Variants in IL1RAPL1 observed in about 807,000 individuals in gnomAD.
The protein encoded by IL1RAPL1 is interleukin-1 receptor accessory protein-like 1.
In IL1RAPL1, 3 loss-of-function variants were observed where a neutral mutation model predicts 48.4. That is an observed-to-expected ratio of 0.06 (90% CI 0.03 to 0.16). The LOEUF is 0.16. IL1RAPL1 is among the 10% of genes least tolerant of loss of function. The pLI, the probability that IL1RAPL1 is intolerant of heterozygous loss-of-function variation, is 1.00. For synonymous variants in IL1RAPL1, 185 were observed against 187.7 expected (o/e 0.99, Z 0.12); for missense variants, 349 against 530.6 (o/e 0.66, Z 3.36).
chrX:29,385,757 T>C (rs1252242552), intron 3 of IL1RAPL1, among the ~76,000 whole-genome samples: 4 of 112,734 alleles, frequency 3.5e-5, no homozygotes, highest in Non-Finnish European at 7.5e-5. Flanking sequence ...CATTTGTTGA[T>C]GGACATTTGA....
intron 2 of IL1RAPL1, among the ~76,000 whole-genome samples, chrX:29,242,968 C>T (rs756606810): frequency 8.9e-5 from 10 of 112,021 alleles, no homozygotes; most frequent in African/African-American, 2.6e-4. Flanking sequence ...CAAAAGAACA[C>T]GTGAGGCCCC....
chrX:29,260,662 C>T (rs988517079), intron 2 of IL1RAPL1, among the ~76,000 whole-genome samples: 2 of 111,309 alleles, frequency 1.8e-5, no homozygotes, highest in Non-Finnish European at 3.8e-5. Context: ...AGTCAAATGG[C>T]TAGTGTTCCC....
At chrX:28,717,196 G>A (rs1478374423) in intron 1 of IL1RAPL1, among the ~76,000 whole-genome samples, 1 of 112,025 alleles carries the variant, frequency 8.9e-6, no homozygotes, top group Non-Finnish European at 1.9e-5. Flanking sequence ...ACAGATGCAT[G>A]CATATGTTCA....
chrX:29,401,759 C>T (rs982532699), intron 5 of IL1RAPL1, among the ~76,000 whole-genome samples: 6 of 110,687 alleles, frequency 5.4e-5, no homozygotes, highest in Admixed American at 4.8e-4. Context: ...CAGGCAGCAT[C>T]GTGAGCTTTT....
chrX:29,371,720 G>T (rs778738433), intron 3 of IL1RAPL1, among the ~76,000 whole-genome samples: 2 of 111,547 alleles, frequency 1.8e-5, no homozygotes, highest in Non-Finnish European at 3.8e-5. Flanking sequence ...TCATTAGTTC[G>T]CTGAGGATAT....
rs376398351 is a variant in IL1RAPL1, at chrX:28,977,824, A to G, written c.82+188399A>G. On this transcript the variant is annotated intron_variant, in intron 2 of 10. Transcript: ENST00000378993. ...ATACAAAAATTAGCTGTGCATGGTG[A>G]TGCGTGCCTGTAATCCCAGCTACTC... is the stretch of plus-strand genomic sequence containing the variant. 5.1e-4 allele frequency among the ~76,000 whole-genome samples: 57 copies of G among 111,582 alleles called. No individual in the cohort carries two copies. In the East Asian group the frequency reaches 0.011, roughly 21 times the overall value.
intron 2 of IL1RAPL1, among the ~76,000 whole-genome samples, chrX:29,068,718 C>T (rs769247536): frequency 1.8e-5 from 2 of 112,031 alleles, no homozygotes; most frequent in Admixed American, 9.5e-5. Context: ...GGAAGGATAA[C>T]GGAATAGGAT....
chrX:29,294,044 A>T (rs943404764), intron 3 of IL1RAPL1, among the ~76,000 whole-genome samples: 12 of 110,244 alleles, frequency 1.1e-4, no homozygotes, highest in Admixed American at 3.9e-4. Context: ...AAGTAAAAAA[A>T]AAAAAATAAA....
chrX:29,767,211 A>G (rs1051795768), intron 6 of IL1RAPL1, among the ~76,000 whole-genome samples: 4 of 112,288 alleles, frequency 3.6e-5, no homozygotes, highest in Admixed American at 1.9e-4. Context: ...CTGAAGAAGC[A>G]TGTATTTATA....
chrX:29,799,447 G>A (rs1174667786), intron 6 of IL1RAPL1, among the ~76,000 whole-genome samples: 1 of 111,865 alleles, frequency 8.9e-6, no homozygotes, highest in Non-Finnish European at 1.9e-5. Context: ...CCAATATTAC[G>A]ATTAGCAAAA....
intron 5 of IL1RAPL1, among the ~76,000 whole-genome samples, chrX:29,411,230 C>G (rs900192672): frequency 8.9e-6 from 1 of 111,869 alleles, no homozygotes; most frequent in Non-Finnish European, 1.9e-5. Context: ...TGTATTATAT[C>G]TCTAAAAATG....
intron 2 of IL1RAPL1, among the ~76,000 whole-genome samples, chrX:29,073,313 A>C (rs1927604878): frequency 9.0e-6 from 1 of 111,087 alleles, no homozygotes; most frequent in African/African-American, 3.3e-5. Flanking sequence ...TAAATCTTCA[A>C]TCTGTTATGT....
At chrX:28,888,847 T>C (rs1473358199) in intron 2 of IL1RAPL1, among the ~76,000 whole-genome samples, 2 of 110,853 alleles carry the variant, frequency 1.8e-5, no homozygotes, top group Non-Finnish European at 3.8e-5. Context: ...TGGTGGTCAT[T>C]ATGATATCAT....
chrX:29,451,808 T>C (rs973278514), intron 5 of IL1RAPL1, among the ~76,000 whole-genome samples: 2 of 111,956 alleles, frequency 1.8e-5, no homozygotes, highest in African/African-American at 3.2e-5. Flanking sequence ...AAACAGTATT[T>C]GGTGGTTCAA....
At chrX:29,482,755 A>G (rs1464128462) in intron 5 of IL1RAPL1, among the ~76,000 whole-genome samples, 1 of 112,096 alleles carries the variant, frequency 8.9e-6, no homozygotes, top group Non-Finnish European at 1.9e-5. Flanking sequence ...AAACATACAA[A>G]GGTAGATCAT....
intron 2 of IL1RAPL1, among the ~76,000 whole-genome samples, chrX:28,836,974 A>T (rs1264064943): frequency 9.0e-6 from 1 of 110,666 alleles, no homozygotes; most frequent in East Asian, 2.8e-4. Context: ...ACCTTGAAAA[A>T]AAACGAGAGA....
intron 1 of IL1RAPL1, among the ~76,000 whole-genome samples, chrX:28,693,362 C>T (rs1461854302): frequency 8.9e-6 from 1 of 112,386 alleles, no homozygotes; most frequent in Non-Finnish European, 1.9e-5. Flanking sequence ...TATGTATTGC[C>T]ATTCAACAGA....
intron 6 of IL1RAPL1, among the ~76,000 whole-genome samples, chrX:29,907,000 A>T (rs192600450): frequency 1.2e-3 from 139 of 111,820 alleles, no homozygotes; most frequent in African/African-American, 4.0e-3. Flanking sequence ...AGTATAAAAT[A>T]AAAACTGATA....
chrX:29,546,220 C>T (rs777193707), intron 5 of IL1RAPL1, among the ~76,000 whole-genome samples: 2 of 111,857 alleles, frequency 1.8e-5, no homozygotes, highest in Admixed American at 9.5e-5. Context: ...GTATTCATTG[C>T]TTGACCAACC....
Sources: allele counts gnomAD v4.1 joint callset (sites outside exome capture counted in the v4.1 genomes callset), GRCh38; gene constraint gnomAD v4.1.1; transcripts MANE v1.5; gene names NCBI Gene and HGNC (gene_info 2026-07-23, HGNC 2026-07-21).